The following LRRC4C variants were observed in gnomAD, a reference collection of about 807,000 sequenced individuals.
LRRC4C encodes leucine-rich repeat-containing protein 4C.
Under a neutral mutation model 33.6 loss-of-function variants are expected in LRRC4C, and 5 were observed. The observed-to-expected ratio is 0.15, with a 90% confidence interval of 0.08 to 0.31. The LOEUF is 0.31. LRRC4C is among the 10% of genes least tolerant of loss of function. LRRC4C has a pLI of 1.00. For missense variants in LRRC4C, 560 were observed against 796.7 expected (o/e 0.70, Z 3.58); for synonymous variants, 329 against 302.0 (o/e 1.09, Z -0.93).
chr11:41,146,160 G>A (rs1943720009), intron 1 of LRRC4C, among the ~76,000 whole-genome samples: 1 of 152,140 alleles, frequency 6.6e-6, no homozygotes, highest in South Asian at 2.1e-4. Context: ...ATCCAGCAAA[G>A]GGTGGCCTTG....
At chr11:40,967,911 A>G (rs1408678087) in intron 1 of LRRC4C, among the ~76,000 whole-genome samples, 2 of 151,952 alleles carry the variant, frequency 1.3e-5, no homozygotes, top group African/African-American at 4.8e-5. Context: ...TAAGCTACCA[A>G]TCGCTTACTA....
chr11:40,984,110 G>A (rs1852739920), intron 1 of LRRC4C, among the ~76,000 whole-genome samples: 1 of 148,828 alleles, frequency 6.7e-6, no homozygotes. Context: ...TCCTATAACA[G>A]TACTATTGAC....
chr11:40,819,381 T>C (rs7943949), intron 2 of LRRC4C, among the ~76,000 whole-genome samples: 127,232 of 152,100 alleles, frequency 0.84, 54,333 homozygotes, highest in East Asian at 0.99. Context: ...TTTTATAATG[T>C]TCTTGCCCCG....
intron 1 of LRRC4C, among the ~76,000 whole-genome samples, chr11:40,965,485 G>A (rs1851286266): frequency 6.6e-6 from 1 of 152,042 alleles, no homozygotes; most frequent in Non-Finnish European, 1.5e-5. Context: ...TTTCTTCTAG[G>A]GTTTTTATGG....
At chr11:40,756,942 A>T (rs1447092251) in intron 2 of LRRC4C, among the ~76,000 whole-genome samples, 1 of 151,928 alleles carries the variant, frequency 6.6e-6, no homozygotes, top group African/African-American at 2.4e-5. Context: ...TGGAGAGCAA[A>T]AGTGGACATC....
At chr11:40,162,042 G>A (rs1014298335) in intron 5 of LRRC4C, among the ~76,000 whole-genome samples, 1 of 152,036 alleles carries the variant, frequency 6.6e-6, no homozygotes, top group Admixed American at 6.5e-5. Flanking sequence ...TGAGGGCCCA[G>A]TCTCTTTAAA....
rs78978315 is a variant in LRRC4C at position 40,486,844 on chromosome 11, G to T, written c.-270+161298C>A. On this transcript the variant is annotated intron_variant, in intron 3 of 6. Transcript: ENST00000528697. ...TATGATTGCCTATATTGTAAACAGC[G>T]CTAAGGAGAAGTGAAATCTTGTTTG... Among the ~76,000 whole-genome samples, 4 of 151,936 alleles carry T rather than the reference G, an allele frequency of 2.6e-5. No homozygotes were observed. The East Asian group carries it at 5.8e-4, about 22-fold the overall frequency.
At chr11:40,673,780 C>A (rs1275191293) in intron 2 of LRRC4C, among the ~76,000 whole-genome samples, 1 of 152,260 alleles carries the variant, frequency 6.6e-6, no homozygotes, top group East Asian at 1.9e-4. Flanking sequence ...TAAAAGGATT[C>A]CACAGGAAAC....
intron 1 of LRRC4C, among the ~76,000 whole-genome samples, chr11:41,286,538 A>C (rs1949833983): frequency 6.6e-6 from 1 of 152,178 alleles, no homozygotes; most frequent in Admixed American, 6.5e-5. Context: ...CTCTAATAGA[A>C]TGGTAATATT....
chr11:41,345,711 G>A (rs189226920), intron 1 of LRRC4C, among the ~76,000 whole-genome samples: 59 of 152,022 alleles, frequency 3.9e-4, no homozygotes, highest in African/African-American at 1.2e-3. Context: ...AGTTCCCATC[G>A]GATCCAGCCC....
At chr11:40,255,513 G>C (rs1313215491) in intron 4 of LRRC4C, among the ~76,000 whole-genome samples, 1 of 152,190 alleles carries the variant, frequency 6.6e-6, no homozygotes, top group Non-Finnish European at 1.5e-5. Flanking sequence ...ATTTCTGAGA[G>C]AGCTATTTTT....
intron 2 of LRRC4C, among the ~76,000 whole-genome samples, chr11:40,761,021 C>T (rs955465958): frequency 6.6e-6 from 1 of 151,474 alleles, no homozygotes; most frequent in African/African-American, 2.4e-5. Flanking sequence ...ATAATCAAGA[C>T]ATGATGGAAT....
chr11:40,434,066 A>C (rs1204934848), intron 3 of LRRC4C, among the ~76,000 whole-genome samples: 1 of 152,194 alleles, frequency 6.6e-6, no homozygotes, highest in Non-Finnish European at 1.5e-5. Context: ...AAATTTCCTT[A>C]TCTGGCAGTT....
At chr11:40,186,148 C>A (rs1385750693) in intron 5 of LRRC4C, among the ~76,000 whole-genome samples, 1 of 152,094 alleles carries the variant, frequency 6.6e-6, no homozygotes, top group African/African-American at 2.4e-5. Context: ...AGATGCTCAG[C>A]AATAATCTAT....
intron 2 of LRRC4C, among the ~76,000 whole-genome samples, chr11:40,648,731 T>C (rs1322367051): frequency 6.6e-6 from 1 of 152,234 alleles, no homozygotes; most frequent in Non-Finnish European, 1.5e-5. Flanking sequence ...CCACACTGTC[T>C]AGCAGATGCT....
In LRRC4C at chr11:40,154,299, A is replaced by C. The variant is rs868498236; in HGVS notation, c.-95-13446T>G. Reference sequence around the variant, plus strand: ...ACAAGCTAAAAAGCAAAAAAAAAAAAAAAACAAAAAGCAAAGTACACAGGC... The same window carrying C: ...ACAAGCTAAAAAGCAAAAAAAAAAACAAAACAAAAAGCAAAGTACACAGGC... On this transcript the variant is annotated intron_variant, in intron 5 of 6. Coordinates refer to ENST00000528697, the MANE Select transcript of LRRC4C (RefSeq NM_001258419.2). 6.2e-4 allele frequency among the ~76,000 whole-genome samples: 94 copies of C among 151,726 alleles called. 1 individual carries two copies. Among genetic ancestry groups the C allele is most frequent in the Admixed American group, 3.1e-3 (48 of 15,254 alleles).
At chr11:41,357,808 T>G (rs561547123) in intron 1 of LRRC4C, among the ~76,000 whole-genome samples, 1 of 152,122 alleles carries the variant, frequency 6.6e-6, no homozygotes, top group Non-Finnish European at 1.5e-5. Context: ...ATGGGAAGAC[T>G]CAACAGTATC....
intron 2 of LRRC4C, among the ~76,000 whole-genome samples, chr11:40,792,157 A>G (rs1950648067): frequency 6.6e-6 from 1 of 152,134 alleles, no homozygotes; most frequent in Admixed American, 6.6e-5. Flanking sequence ...GCCCTATTCT[A>G]GCATTTGCTA....
intron 1 of LRRC4C, among the ~76,000 whole-genome samples, chr11:41,019,119 T>C (rs934673747): frequency 3.3e-5 from 5 of 152,136 alleles, no homozygotes; most frequent in Non-Finnish European, 5.9e-5. Context: ...CAGGTATATA[T>C]GTGCCATGGT....
Sources: allele counts gnomAD v4.1 joint callset (sites outside exome capture counted in the v4.1 genomes callset), GRCh38; gene constraint gnomAD v4.1.1; transcripts MANE v1.5; gene names NCBI Gene and HGNC (gene_info 2026-07-23, HGNC 2026-07-21).